Variants in CC2D2B observed in about 807,000 individuals in gnomAD.
CC2D2B encodes the protein coiled-coil and C2 domain containing 2B.
A neutral mutation model predicts 161.2 loss-of-function variants in CC2D2B; 128 were observed. That is an observed-to-expected ratio of 0.79 (90% CI 0.69 to 0.92). The LOEUF (loss-of-function observed/expected upper bound fraction) is 0.92. Ranked by LOEUF, CC2D2B falls within the 40% of genes least tolerant of loss-of-function variation. The probability of loss-of-function intolerance (pLI) is 0.00; values close to 1 mark genes in which losing one functional copy is unlikely to be tolerated. For synonymous variants in CC2D2B, 391 were observed against 449.8 expected (o/e 0.87, Z 1.65); for missense variants, 1,173 against 1,375.1 (o/e 0.85, Z 2.32).
At chr10:95,999,826 T>C (rs2015026) in intron 24 of CC2D2B, 136,437 of 442,572 alleles carry the variant, frequency 0.31, 22,690 homozygotes, top group Admixed American at 0.38. Flanking sequence ...CTCCTTCCCA[T>C]TGGGTCTCAC....
chr10:95,908,045 A>G lies in CC2D2B; in HGVS notation c.-36A>G, dbSNP rs1250652502. On this transcript the variant is annotated 5_prime_UTR_variant, in exon 1 of 35. Coordinates refer to ENST00000646931, the MANE Select transcript of CC2D2B (RefSeq NM_001349008.3). Reference sequence around the variant, plus strand: ...CCCTGCCCAGACGTAAGAAAAGTGCACTGTCCGTCCAGGTGAATGTCGGGC... The same window carrying G: ...CCCTGCCCAGACGTAAGAAAAGTGCGCTGTCCGTCCAGGTGAATGTCGGGC... The G allele has an allele frequency of 6.6e-6, 1 of 152,304 alleles. No individual in the cohort carries two copies. 9.4% of individuals were successfully genotyped at this position (152,304 alleles called of 1,614,324 possible).
intron 6 of CC2D2B, among the ~76,000 whole-genome samples, chr10:95,927,535 T>G (rs2141201336): frequency 6.6e-6 from 1 of 152,290 alleles, no homozygotes; most frequent in East Asian, 1.9e-4. Context: ...TACTAAGTTT[T>G]TAACACGAAT....
chr10:96,027,330 G>C lies in CC2D2B; in HGVS notation c.4066G>C (p.Gly1356Arg). ...CCTTCCTAAGCTGGAATTTGGCATA[G>C]GAAGCTTTGTTTCATCTGAAGGAGA... is the stretch of plus-strand genomic sequence containing the variant. The part of the protein sequence containing the change: ...QILPKLEFGI[G>R]SFVSSEGDNE... Residue 1356 changes from glycine (G) to arginine (R), a missense_variant, in exon 34 of 35, where the codon GGA becomes CGA. By Grantham distance (125) the Gly-to-Arg change is moderately radical. Coordinates refer to ENST00000646931, the MANE Select transcript of CC2D2B (RefSeq NM_001349008.3). The C allele has an allele frequency of 1.3e-6, 2 of 1,550,952 alleles. No homozygotes were observed. The highest frequency in any genetic ancestry group is 1.7e-6 in the Non-Finnish European group (2 of 1,146,648).
intron 7 of CC2D2B, 92 bp from the exon 8 acceptor site, chr10:95,938,477 G>A: frequency 1.6e-6 from 1 of 615,418 alleles, no homozygotes; most frequent in South Asian, 2.2e-5. Flanking sequence ...CAGTAGTAGG[G>A]TGTAATTATA....
At chr10:95,934,443 A>AC (rs201610411) in intron 6 of CC2D2B, among the ~76,000 whole-genome samples, 3,368 of 136,314 alleles carry the variant, frequency 0.025, 116 homozygotes, top group African/African-American at 0.081. Context: ...GTATGAAAAA[A>AC]AAAAAACAAA....
At chr10:95,957,266 A>G (rs915363755) in intron 11 of CC2D2B, among the ~76,000 whole-genome samples, 8 of 152,174 alleles carry the variant, frequency 5.3e-5, no homozygotes, top group Non-Finnish European at 8.8e-5. Context: ...GAAGGGGACC[A>G]TTATTGTTGT....
intron 17 of CC2D2B, among the ~76,000 whole-genome samples, chr10:95,981,119 C>T (rs569242058): frequency 6.6e-6 from 1 of 152,266 alleles, no homozygotes; most frequent in Admixed American, 6.5e-5. Context: ...CATGGCAGGG[C>T]ACAGTGGCTC....
At chr10:95,928,801 A>G (rs1054141263) in intron 6 of CC2D2B, among the ~76,000 whole-genome samples, 9 of 152,036 alleles carry the variant, frequency 5.9e-5, no homozygotes, top group African/African-American at 2.2e-4. Context: ...TATTCAGTCT[A>G]TCATTGATGG....
chr10:95,986,135 C>CA (rs1239612979), intron 19 of CC2D2B, among the ~76,000 whole-genome samples: 1 of 151,564 alleles, frequency 6.6e-6, no homozygotes, highest in Admixed American at 6.6e-5. Context: ...CTGTGACCCA[C>CA]ACCCTATTCG....
In CC2D2B at chr10:95,974,088, A is replaced by G; in HGVS notation, c.1875A>G (p.Ser625=). 1.6e-6 allele frequency: 2 copies of G among 1,230,480 alleles called. No homozygotes were observed. The highest frequency in any genetic ancestry group is 2.0e-6 in the Non-Finnish European group (2 of 986,480). The allele number at this position is 1,230,480 out of a possible 1,614,324, so 76.2% of individuals were successfully genotyped here. The change falls in exon 17 of 35, where the codon TCA becomes TCG. Residue 625 remains serine, a synonymous_variant. Coordinates refer to ENST00000646931, the MANE Select transcript of CC2D2B (RefSeq NM_001349008.3). The stretch of plus-strand genomic sequence containing the variant: ...CAGGAAAACTTAGCTATTCTCTATC[A>G]TGGAGCTTAGATGAAAATGGTCTTC... ...LTSGKLSYSL[S]WSLDENGLPL...
rs1354874128 is a variant in CC2D2B at position 96,033,197 on chromosome 10, C to T, written c.*1189C>T. ...CACTCCCACAAGCAGAGAGCAGAGA[C>T]CCCAAATGTATCTGCAGGGAATACC... On this transcript the variant is annotated 3_prime_UTR_variant, in exon 35 of 35. Coordinates refer to ENST00000646931, the MANE Select transcript of CC2D2B (RefSeq NM_001349008.3). Among the ~76,000 whole-genome samples, 1 of 152,124 alleles carries T rather than the reference C, an allele frequency of 6.6e-6. No homozygotes were observed. The highest frequency in any genetic ancestry group is 2.4e-5 in the African/African-American group (1 of 41,424).
chr10:95,921,846 A>T (rs2098528004), intron 2 of CC2D2B, among the ~76,000 whole-genome samples, 170 bp from the exon 3 acceptor site: 1 of 152,196 alleles, frequency 6.6e-6, no homozygotes, highest in African/African-American at 2.4e-5. Flanking sequence ...TACCTAATGT[A>T]AATGACGAGT....
chr10:95,947,772 G>A (rs1590527712), intron 9 of CC2D2B, among the ~76,000 whole-genome samples: 1 of 151,910 alleles, frequency 6.6e-6, no homozygotes, highest in Non-Finnish European at 1.5e-5. Context: ...AAAAAAGATG[G>A]ACTAAAACAG....
At position 96,027,398 on chromosome 10, in the gene CC2D2B, A is replaced by G. The variant is rs2079830419; in HGVS notation, c.4125+9A>G. ...TACTACAATTTTATTGGGTTTGTAT[A>G]TGATTTAATGCATTAATGACATTTG... On this transcript the variant is annotated intron_variant, in intron 34 of 34. Transcript: ENST00000646931. The G allele has an allele frequency of 6.6e-7, 1 of 1,514,404 alleles. No individual in the cohort carries two copies. The highest frequency in any genetic ancestry group is 8.9e-7 in the Non-Finnish European group (1 of 1,120,250). The allele number at this position is 1,514,404 out of a possible 1,614,324, so 93.8% of individuals were successfully genotyped here. A position where few individuals can be genotyped will look rare whatever the true frequency, so the allele number is the denominator to read the frequency against.
At chr10:96,010,337 G>A (rs1036736702) in intron 26 of CC2D2B, among the ~76,000 whole-genome samples, 3 of 152,108 alleles carry the variant, frequency 2.0e-5, no homozygotes, top group Non-Finnish European at 1.5e-5. Context: ...TCTGCTGTTG[G>A]TTTATTATGT....
intron 6 of CC2D2B, among the ~76,000 whole-genome samples, chr10:95,927,625 G>C (rs2098541720): frequency 6.6e-6 from 1 of 152,002 alleles, no homozygotes; most frequent in South Asian, 2.1e-4. Flanking sequence ...CAAGCAAAGA[G>C]GGTTAAGCCT....
intron 5 of CC2D2B, among the ~76,000 whole-genome samples, chr10:95,925,766 T>C (rs1752785455): frequency 6.6e-6 from 1 of 152,178 alleles, no homozygotes; most frequent in South Asian, 2.1e-4. Flanking sequence ...GTAAGTCCAA[T>C]GGCAAAGCTG....
At chr10:96,014,413 C>G (rs966394707) in intron 29 of CC2D2B, among the ~76,000 whole-genome samples, 5 of 152,196 alleles carry the variant, frequency 3.3e-5, no homozygotes, top group African/African-American at 1.2e-4. Context: ...AACTTCTTTT[C>G]AAGTCTGGCA....
intron 9 of CC2D2B, among the ~76,000 whole-genome samples, chr10:95,941,272 A>G (rs944497223): frequency 1.3e-5 from 2 of 152,214 alleles, no homozygotes; most frequent in Non-Finnish European, 2.9e-5. Context: ...CCTTTATAAC[A>G]TCGTTCTTGG....
Sources: allele counts gnomAD v4.1 joint callset (sites outside exome capture counted in the v4.1 genomes callset), GRCh38; gene constraint gnomAD v4.1.1; transcripts MANE v1.5; gene names NCBI Gene and HGNC (gene_info 2026-07-23, HGNC 2026-07-21).